The following SMARCAL1 variants were observed in gnomAD, a reference collection of about 807,000 sequenced individuals.
SMARCAL1 encodes SNF2 related chromatin remodeling annealing helicase 1.
Under a neutral mutation model 94.5 loss-of-function variants are expected in SMARCAL1, and 58 were observed. The ratio of observed to expected loss-of-function variants is 0.61; its 90% confidence interval spans 0.50 to 0.76. The LOEUF (loss-of-function observed/expected upper bound fraction) is 0.76. Ranked by LOEUF, SMARCAL1 falls within the 30% of genes least tolerant of loss-of-function variation. The probability of loss-of-function intolerance (pLI) is 0.00; values close to 1 mark genes in which losing one functional copy is unlikely to be tolerated. For synonymous variants in SMARCAL1, 422 were observed against 455.1 expected (o/e 0.93, Z 0.93); for missense variants, 1,051 against 1,177.9 (o/e 0.89, Z 1.58).
At chr2:216,440,073 C>A (rs1470269406) in intron 10 of SMARCAL1, among the ~76,000 whole-genome samples, 1 of 151,374 alleles carries the variant, frequency 6.6e-6, no homozygotes, top group African/African-American at 2.4e-5. Context: ...AAGCTTGATT[C>A]TCTGCCAGTA....
Position 216,482,348 on chromosome 2 carries a change from C to T in SMARCAL1, c.2626-390C>T, listed in dbSNP as rs1695218215. Among the ~76,000 whole-genome samples, 1 of 152,060 alleles carries T rather than the reference C, an allele frequency of 6.6e-6. No individual in the cohort carries two copies. The highest frequency in any genetic ancestry group is 1.5e-5 in the Non-Finnish European group (1 of 68,002). On this transcript the variant is annotated intron_variant, in intron 17 of 17. Transcript: ENST00000357276. The surrounding 1 kb of genome is among the most constrained non-coding windows in gnomAD (Gnocchi z 4.3). ...ATAGAGATTTAGAAGTTGAATTATA[C>T]CTTAACTGACCCTTAGTAGAGAAAG...
chr2:216,444,163 C>G (rs1245889279), intron 10 of SMARCAL1, among the ~76,000 whole-genome samples: 1 of 152,198 alleles, frequency 6.6e-6, no homozygotes, highest in Non-Finnish European at 1.5e-5. Flanking sequence ...GACTTTCCAG[C>G]GGTGTGGACT....
Position 216,412,531 on chromosome 2 carries a change from C to T in SMARCAL1, c.-213C>T, listed in dbSNP as rs1693483126. ...CAATAAGGCTGGCGAACTCGCAGCGCTTGAATACCCGTGGCCTAACCGTCC... is the reference window on the plus strand; with the variant it reads ...CAATAAGGCTGGCGAACTCGCAGCGTTTGAATACCCGTGGCCTAACCGTCC... On this transcript the variant is annotated 5_prime_UTR_variant, in exon 1 of 18. Coordinates refer to ENST00000357276, the MANE Select transcript of SMARCAL1 (RefSeq NM_014140.4). The T allele has an allele frequency of 6.6e-6, 1 of 152,296 alleles. No individual in the cohort carries two copies. The highest frequency in any genetic ancestry group is 2.4e-5 in the African/African-American group (1 of 41,478). The allele number at this position is 152,296 out of a possible 1,614,324, so 9.4% of individuals were successfully genotyped here.
chr2:216,456,129 G>T (rs1694561586), intron 12 of SMARCAL1, among the ~76,000 whole-genome samples: 1 of 151,996 alleles, frequency 6.6e-6, no homozygotes, highest in Non-Finnish European at 1.5e-5. Context: ...ATGAAATGAA[G>T]CAAGAAGAGA....
In SMARCAL1 at chr2:216,447,170, C is replaced by T. The variant is rs768036221; in HGVS notation, c.1851+12C>T. The T allele has an allele frequency of 3.7e-6, 6 of 1,613,694 alleles. No homozygotes were observed. The highest frequency in any genetic ancestry group is 2.7e-5 in the African/African-American group (2 of 74,888). ...GTGATGCCAAACGGGTATGTATTATCTCTTCCCTCCCAGCCCACCCATTTC... is the reference window on the plus strand; with the variant it reads ...GTGATGCCAAACGGGTATGTATTATTTCTTCCCTCCCAGCCCACCCATTTC... On this transcript the variant is annotated intron_variant, in intron 11 of 17. Coordinates refer to ENST00000357276, the MANE Select transcript of SMARCAL1 (RefSeq NM_014140.4).
chr2:216,462,187 G>C (rs1275555943), intron 12 of SMARCAL1, among the ~76,000 whole-genome samples: 1 of 152,190 alleles, frequency 6.6e-6, no homozygotes, highest in Non-Finnish European at 1.5e-5. Flanking sequence ...CTAAATGTTA[G>C]AGCAAGATTC....
chr2:216,434,851 ATT>A (rs11408208), intron 8 of SMARCAL1, among the ~76,000 whole-genome samples: 5 of 117,372 alleles, frequency 4.3e-5, no homozygotes, highest in African/African-American at 1.7e-4. Context: ...ACAACTCTCT[ATT>A]TTTTTTTTTT....
chr2:216,413,699 G>A (rs1263381852), intron 1 of SMARCAL1, among the ~76,000 whole-genome samples, 157 bp from the exon 2 acceptor site: 5 of 151,608 alleles, frequency 3.3e-5, no homozygotes, highest in Non-Finnish European at 7.4e-5. Flanking sequence ...CAGTTGCTCC[G>A]TGTGTTGTGT....
At chr2:216,446,909 A>G in intron 10 of SMARCAL1, 109 bp from the exon 11 acceptor site, 1 of 1,282,488 alleles carries the variant, frequency 7.8e-7, no homozygotes, top group Non-Finnish European at 1.1e-6. Flanking sequence ...CGCGACACGC[A>G]CGCGGTCTTT....
intron 11 of SMARCAL1, among the ~76,000 whole-genome samples, chr2:216,449,477 C>T (rs1451147063): frequency 2.0e-5 from 3 of 152,098 alleles, no homozygotes; most frequent in Non-Finnish European, 4.4e-5. Flanking sequence ...TTGCAAACCA[C>T]TAACTATCTG....
At chr2:216,470,084 T>C (rs1694927586) in intron 14 of SMARCAL1, among the ~76,000 whole-genome samples, 1 of 152,218 alleles carries the variant, frequency 6.6e-6, no homozygotes, top group Admixed American at 6.5e-5. Context: ...TGTTTTTTTC[T>C]TACTGATTTA....
At chr2:216,470,838 C>CAAAAAA (rs55763206) in intron 14 of SMARCAL1, among the ~76,000 whole-genome samples, 10 of 48,068 alleles carry the variant, frequency 2.1e-4, no homozygotes, top group East Asian at 8.3e-4. Flanking sequence ...AAGAACATCT[C>CAAAAAA]AAAAAAAAAA....
chr2:216,439,798 A>T (rs1223813561), intron 10 of SMARCAL1, among the ~76,000 whole-genome samples: 1 of 152,212 alleles, frequency 6.6e-6, no homozygotes, highest in Non-Finnish European at 1.5e-5. Flanking sequence ...GTGGTGGCTC[A>T]CGCCTGTAAT....
chr2:216,432,984 A>G (rs1694000269), intron 8 of SMARCAL1, 116 bp downstream of exon 8: 1 of 1,323,666 alleles, frequency 7.6e-7, no homozygotes, highest in African/African-American at 1.4e-5. Context: ...TCTCAAGTAA[A>G]GGCAAAGGCA....
At chr2:216,435,283 A>G (rs1694056987) in intron 8 of SMARCAL1, 55 bp from the exon 9 acceptor site, 1 of 1,598,606 alleles carries the variant, frequency 6.3e-7, no homozygotes, top group Non-Finnish European at 8.6e-7. Flanking sequence ...TGTCACAACC[A>G]ACAGCTGCTG....
intron 6 of SMARCAL1, among the ~76,000 whole-genome samples, 199 bp downstream of exon 6, chr2:216,423,882 C>T (rs570957110): frequency 1.7e-4 from 26 of 152,246 alleles, no homozygotes; most frequent in Admixed American, 9.8e-4. Flanking sequence ...AGACAAATGC[C>T]GGGCCTCTTC....
At chr2:216,444,545 C>T (rs1482253685) in intron 10 of SMARCAL1, among the ~76,000 whole-genome samples, 1 of 152,252 alleles carries the variant, frequency 6.6e-6, no homozygotes, top group Admixed American at 6.5e-5. Flanking sequence ...CAGAGTTTCA[C>T]TCTTGTCACC....
intron 14 of SMARCAL1, among the ~76,000 whole-genome samples, chr2:216,470,838 C>CAAAA (rs55763206): frequency 4.2e-5 from 2 of 48,074 alleles, no homozygotes; most frequent in Non-Finnish European, 3.3e-5. Flanking sequence ...AAGAACATCT[C>CAAAA]AAAAAAAAAA....
At chr2:216,454,319 A>G (rs532404177) in intron 12 of SMARCAL1, among the ~76,000 whole-genome samples, 1 of 152,320 alleles carries the variant, frequency 6.6e-6, no homozygotes, top group South Asian at 2.1e-4. Flanking sequence ...ATTAAAATAG[A>G]TATCTATTGT....
Sources: gnomAD v4.1 joint callset for allele counts (sites outside exome capture counted in the v4.1 genomes callset) on GRCh38, gnomAD v4.1.1 for gene constraint, Gnocchi (gnomAD v3.1) non-coding constraint, MANE v1.5 for transcripts, NCBI Gene and HGNC (gene_info 2026-07-23, HGNC 2026-07-21) for gene names.